The following RAMP3 variants were observed in gnomAD, a reference collection of about 807,000 sequenced individuals.
RAMP3 encodes receptor activity-modifying protein 3.
A neutral mutation model predicts 13.5 loss-of-function variants in RAMP3; 14 were observed. That is an observed-to-expected ratio of 1.04 (90% confidence interval 0.69 to 1.63). The LOEUF (loss-of-function observed/expected upper bound fraction) is 1.63. RAMP3 is among the 40% of genes most tolerant of loss of function. The pLI, the probability that RAMP3 is intolerant of heterozygous loss-of-function variation, is 0.00. For synonymous variants in RAMP3, 106 were observed against 88.3 expected (o/e 1.20, Z -1.12); for missense variants, 200 against 204.8 (o/e 0.98, Z 0.14).
chr7:45,170,843 T>C (rs1222117045), intron 1 of RAMP3, among the ~76,000 whole-genome samples: 1 of 152,060 alleles, frequency 6.6e-6, no homozygotes. Context: ...AGATGAAGGT[T>C]TCACAATGGT....
Position 45,183,911 on chromosome 7 carries a change from G to A in RAMP3, c.*499G>A, listed in dbSNP as rs937307020. 3 of 425,850 alleles carry A rather than the reference G, an allele frequency of 7.0e-6. No homozygotes were observed. Among genetic ancestry groups the A allele is most frequent in the Admixed American group, 7.6e-5 (2 of 26,154 alleles). The allele number at this position is 425,850 out of a possible 1,614,324, so 26.4% of individuals were successfully genotyped here. On this transcript the variant is annotated 3_prime_UTR_variant, in exon 3 of 3. Coordinates refer to ENST00000242249, the MANE Select transcript of RAMP3 (RefSeq NM_005856.3). ...AGATAGGCAGGGGCTCTTGGAAGAC[G>A]TTCCGTGCTGTGACCTCCGAGCCCT...
At chr7:45,178,556 AC>A (rs951058097) in intron 2 of RAMP3, among the ~76,000 whole-genome samples, 4 of 152,052 alleles carry the variant, frequency 2.6e-5, no homozygotes, top group Non-Finnish European at 5.9e-5. Context: ...CTGCAGCCCC[AC>A]TCTGTGGGGG....
chr7:45,173,014 C>T (rs1420245665), intron 1 of RAMP3, among the ~76,000 whole-genome samples: 1 of 152,204 alleles, frequency 6.6e-6, no homozygotes, highest in Non-Finnish European at 1.5e-5. Context: ...TTCTGGTTCA[C>T]CTACCTCTGA....
chr7:45,174,408 G>C (rs1474102511), intron 1 of RAMP3, among the ~76,000 whole-genome samples: 2 of 152,168 alleles, frequency 1.3e-5, no homozygotes, highest in Non-Finnish European at 2.9e-5. Context: ...ACTGGCTGCT[G>C]TTCTTGGTCC....
intron 1 of RAMP3, 34 bp downstream of exon 1, chr7:45,157,920 C>T (rs1785790517): frequency 7.4e-7 from 1 of 1,344,464 alleles, no homozygotes; most frequent in Non-Finnish European, 9.5e-7. Flanking sequence ...GGGGGCGCCC[C>T]CACTCCTCGG....
intron 1 of RAMP3, among the ~76,000 whole-genome samples, chr7:45,160,733 T>G (rs924603491): frequency 2.6e-5 from 4 of 152,224 alleles, no homozygotes; most frequent in African/African-American, 9.6e-5. Flanking sequence ...TGGAAGTCCC[T>G]GAGACAAAAG....
At chr7:45,171,391 G>A (rs1376286745) in intron 1 of RAMP3, among the ~76,000 whole-genome samples, 1 of 152,050 alleles carries the variant, frequency 6.6e-6, no homozygotes, top group Non-Finnish European at 1.5e-5. Flanking sequence ...CTGGATCTCA[G>A]GTGACCTGCC....
At chr7:45,175,939 C>T (rs1786178192) in intron 1 of RAMP3, among the ~76,000 whole-genome samples, 1 of 152,210 alleles carries the variant, frequency 6.6e-6, no homozygotes, top group Non-Finnish European at 1.5e-5. Context: ...CCTGTCTAAA[C>T]CTGCCATTTC....
chr7:45,182,472 G>C (rs1444066961), intron 2 of RAMP3, among the ~76,000 whole-genome samples: 1 of 152,192 alleles, frequency 6.6e-6, no homozygotes, highest in Non-Finnish European at 1.5e-5. Context: ...TCAGCATGAG[G>C]ACTGTCCAGA....
intron 1 of RAMP3, among the ~76,000 whole-genome samples, chr7:45,159,342 T>C (rs1233276521): frequency 1.3e-5 from 2 of 152,184 alleles, no homozygotes; most frequent in Non-Finnish European, 2.9e-5. Context: ...GTCAGAGGTA[T>C]CCGGGACTGG....
intron 1 of RAMP3, chr7:45,163,578 T>C (rs1472800945): frequency 1.0e-6 from 1 of 985,200 alleles, no homozygotes; most frequent in Non-Finnish European, 1.2e-6. Flanking sequence ...GAGGCTGGGG[T>C]CAGCAGTGGT....
At chr7:45,164,822 T>A (rs1785927661) in intron 1 of RAMP3, among the ~76,000 whole-genome samples, 1 of 152,226 alleles carries the variant, frequency 6.6e-6, no homozygotes, top group South Asian at 2.1e-4. Context: ...CCCACTCTTT[T>A]ATTTTGAACC....
intron 2 of RAMP3, among the ~76,000 whole-genome samples, chr7:45,177,912 C>T (rs997129039): frequency 9.2e-5 from 14 of 152,030 alleles, no homozygotes; most frequent in South Asian, 4.2e-4. Context: ...GTGTCCAGTT[C>T]GGGGGTTCCC....
At chr7:45,162,673 G>A (rs1259201342) in intron 1 of RAMP3, among the ~76,000 whole-genome samples, 1 of 152,216 alleles carries the variant, frequency 6.6e-6, no homozygotes, top group Admixed American at 6.5e-5. Context: ...CTTAGAACAG[G>A]GCATTCAGGG....
In RAMP3 at chr7:45,168,229, C is replaced by T. The variant is rs530940612; in HGVS notation, c.59-9080C>T. 6.6e-5 allele frequency among the ~76,000 whole-genome samples: 10 copies of T among 151,728 alleles called. No individual in the cohort carries two copies. The East Asian group carries it at 1.9e-3, about 30-fold the overall frequency. The stretch of plus-strand genomic sequence containing the variant: ...CAGCCTGGCCTACGTGGTGAAACCC[C>T]GTCTCTACTAAAAATACAAAAAATT... On this transcript the variant is annotated intron_variant, in intron 1 of 2. Transcript: ENST00000242249.
At chr7:45,158,808 T>A (rs919104518) in intron 1 of RAMP3, among the ~76,000 whole-genome samples, 2 of 152,180 alleles carry the variant, frequency 1.3e-5, no homozygotes, top group Non-Finnish European at 2.9e-5. Flanking sequence ...CAGTGGTCAT[T>A]TTCCTTCCAT....
intron 1 of RAMP3, among the ~76,000 whole-genome samples, chr7:45,165,953 C>T (rs1356811125): frequency 6.6e-6 from 1 of 152,164 alleles, no homozygotes; most frequent in Non-Finnish European, 1.5e-5. Context: ...ATTATTTCAT[C>T]TTTTGGCTAT....
chr7:45,158,059 C>A (rs1800957180), intron 1 of RAMP3, among the ~76,000 whole-genome samples, 173 bp downstream of exon 1: 1 of 152,208 alleles, frequency 6.6e-6, no homozygotes, highest in Non-Finnish European at 1.5e-5. Context: ...GGGTTCCACC[C>A]GGGAGAAGCT....
intron 2 of RAMP3, among the ~76,000 whole-genome samples, chr7:45,180,805 T>C (rs780629729): frequency 6.6e-6 from 1 of 152,250 alleles, no homozygotes; most frequent in Non-Finnish European, 1.5e-5. Flanking sequence ...CTTCCCATCC[T>C]GGGTTGTGGT....
Sources: allele counts gnomAD v4.1 joint callset (sites outside exome capture counted in the v4.1 genomes callset), GRCh38; gene constraint gnomAD v4.1.1; transcripts MANE v1.5; gene names NCBI Gene and HGNC (gene_info 2026-07-23, HGNC 2026-07-21).